ADAMTSL1: variants seen among roughly 807,000 people sequenced by gnomAD.
The protein encoded by ADAMTSL1 is ADAMTS-like protein 1.
In ADAMTSL1, 126 loss-of-function variants were observed where a neutral mutation model predicts 201.8. The ratio of observed to expected loss-of-function variants is 0.62; its 90% confidence interval spans 0.54 to 0.72. The LOEUF (loss-of-function observed/expected upper bound fraction) is 0.72. ADAMTSL1 is among the 30% of genes least tolerant of loss of function. The pLI, the probability that ADAMTSL1 is intolerant of heterozygous loss-of-function variation, is 0.00. For missense variants in ADAMTSL1, 2,679 were observed against 2,277.8 expected (o/e 1.18, Z -3.59); for synonymous variants, 1,121 against 903.4 (o/e 1.24, Z -4.32).
intron 2 of ADAMTSL1, among the ~76,000 whole-genome samples, chr9:18,307,564 AC>A (rs1246883408): frequency 1.3e-5 from 2 of 152,130 alleles, no homozygotes; most frequent in African/African-American, 4.8e-5. Flanking sequence ...CATAAAACAG[AC>A]TTTAAACCAA....
chr9:18,896,685 A>G (rs1829657593), intron 26 of ADAMTSL1, among the ~76,000 whole-genome samples: 2 of 152,144 alleles, frequency 1.3e-5, no homozygotes, highest in Admixed American at 6.5e-5. Context: ...GCACAACCCC[A>G]CCCAGGAAAC....
chr9:18,023,351 C>T (rs35338418), intron 1 of ADAMTSL1, among the ~76,000 whole-genome samples: 73,501 of 151,814 alleles, frequency 0.48, 18,101 homozygotes, highest in South Asian at 0.59. Flanking sequence ...GGTCTGGAGA[C>T]CATACCTTGT....
intron 1 of ADAMTSL1, among the ~76,000 whole-genome samples, chr9:18,478,189 G>A (rs113763795): frequency 1.6e-3 from 250 of 152,140 alleles, no homozygotes; most frequent in African/African-American, 5.5e-3. Flanking sequence ...ATTACAGTTA[G>A]GGTTTGCAAT....
At chr9:18,394,995 G>A (rs941325689) in intron 2 of ADAMTSL1, among the ~76,000 whole-genome samples, 2 of 152,114 alleles carry the variant, frequency 1.3e-5, no homozygotes, top group African/African-American at 4.8e-5. Flanking sequence ...AAAGATTCTT[G>A]GAAACCTTGG....
intron 2 of ADAMTSL1, among the ~76,000 whole-genome samples, chr9:18,316,635 A>C (rs1047143393): frequency 1.3e-5 from 2 of 152,094 alleles, no homozygotes; most frequent in Non-Finnish European, 2.9e-5. Context: ...TCTTTTTTTC[A>C]AGGTGCCCAG....
chr9:18,440,936 C>T (rs956468147), intron 2 of ADAMTSL1, among the ~76,000 whole-genome samples: 1 of 151,924 alleles, frequency 6.6e-6, no homozygotes, highest in Non-Finnish European at 1.5e-5. Context: ...CAAAGAACAA[C>T]AATTTATGAC....
At chr9:18,062,194 C>T (rs182447951) in intron 1 of ADAMTSL1, among the ~76,000 whole-genome samples, 37 of 152,252 alleles carry the variant, frequency 2.4e-4, no homozygotes, top group African/African-American at 8.7e-4. Flanking sequence ...ATTTCTGGAA[C>T]ATTTCAGGTT....
intron 2 of ADAMTSL1, among the ~76,000 whole-genome samples, chr9:18,428,106 G>C (rs937766544): frequency 1.2e-4 from 18 of 152,124 alleles, no homozygotes; most frequent in Non-Finnish European, 2.6e-4. Flanking sequence ...TCCAAGCATG[G>C]TAAAGCAATT....
chr9:18,292,939 T>G (rs1209394062), intron 2 of ADAMTSL1, among the ~76,000 whole-genome samples: 1 of 152,204 alleles, frequency 6.6e-6, no homozygotes, highest in Non-Finnish European at 1.5e-5. Context: ...ATCCTATTAG[T>G]TCTGTCCTTC....
chr9:17,960,558 A>C (rs1279807549), intron 1 of ADAMTSL1, among the ~76,000 whole-genome samples: 1 of 152,184 alleles, frequency 6.6e-6, no homozygotes, highest in Non-Finnish European at 1.5e-5. Flanking sequence ...TCTAGTCATC[A>C]TTCATTGTAT....
At chr9:18,901,706 AAC>A (rs1830029021) in intron 26 of ADAMTSL1, among the ~76,000 whole-genome samples, 1 of 152,214 alleles carries the variant, frequency 6.6e-6, no homozygotes, top group Non-Finnish European at 1.5e-5. Flanking sequence ...ACTATAAAAA[AAC>A]AACTAATCAC....
intron 21 of ADAMTSL1, among the ~76,000 whole-genome samples, chr9:18,819,556 G>A (rs746562191): frequency 3.9e-5 from 6 of 151,974 alleles, no homozygotes; most frequent in Non-Finnish European, 8.8e-5. Context: ...AAGTATTTAC[G>A]TTGGGGAGCC....
chr9:18,724,848 C>G (rs976685052), intron 15 of ADAMTSL1, among the ~76,000 whole-genome samples: 5 of 152,090 alleles, frequency 3.3e-5, no homozygotes, highest in African/African-American at 1.2e-4. Flanking sequence ...GCTGTTGATC[C>G]TTTCCTTAAG....
At chr9:17,935,502 C>G (rs1052056802) in intron 1 of ADAMTSL1, among the ~76,000 whole-genome samples, 9 of 152,176 alleles carry the variant, frequency 5.9e-5, no homozygotes, top group African/African-American at 2.2e-4. Context: ...TAACAGGCCT[C>G]TTACCATGGC....
upstream of ADAMTSL1, among the ~76,000 whole-genome samples, chr9:18,473,050 A>G (rs1821279716): frequency 6.6e-6 from 1 of 152,084 alleles, no homozygotes; most frequent in Non-Finnish European, 1.5e-5. Flanking sequence ...TCGTCATTTC[A>G]CTGCTCATTA....
At chr9:18,340,730 C>A (rs1200073125) in intron 2 of ADAMTSL1, among the ~76,000 whole-genome samples, 1 of 152,144 alleles carries the variant, frequency 6.6e-6, no homozygotes, top group Non-Finnish European at 1.5e-5. Context: ...AGTTCCCCTG[C>A]ACATGCTCTC....
At chr9:18,324,261 G>GA (rs1178520918) in intron 2 of ADAMTSL1, among the ~76,000 whole-genome samples, 1 of 152,068 alleles carries the variant, frequency 6.6e-6, no homozygotes, top group African/African-American at 2.4e-5. Flanking sequence ...AAACATATGG[G>GA]AAAAATGAAC....
chr9:18,105,813 A>G (rs1213854188), intron 1 of ADAMTSL1, among the ~76,000 whole-genome samples: 1 of 152,224 alleles, frequency 6.6e-6, no homozygotes, highest in Non-Finnish European at 1.5e-5. Context: ...GGAAAACCAT[A>G]CTGACAAATT....
At chr9:18,886,484 T>C (rs1828908100) in intron 23 of ADAMTSL1, among the ~76,000 whole-genome samples, 1 of 152,066 alleles carries the variant, frequency 6.6e-6, no homozygotes, top group South Asian at 2.1e-4. Flanking sequence ...CCAGTCAGGC[T>C]GATATAACAG....
Sources: allele counts gnomAD v4.1 joint callset (sites outside exome capture counted in the v4.1 genomes callset), GRCh38; gene constraint gnomAD v4.1.1; transcripts MANE v1.5; gene names NCBI Gene and HGNC (gene_info 2026-07-23, HGNC 2026-07-21).